The following VSIG10 variants were observed in gnomAD, a reference collection of about 807,000 sequenced individuals.
VSIG10 encodes V-set and immunoglobulin domain-containing protein 10.
In VSIG10, 48 loss-of-function variants were observed where a neutral mutation model predicts 58.7. The ratio of observed to expected loss-of-function variants is 0.82; its 90% CI spans 0.65 to 1.04. The LOEUF (loss-of-function observed/expected upper bound fraction) is 1.04, where lower values mean the gene tolerates loss of function less well. Ranked by LOEUF, VSIG10 falls within the 50% of genes least tolerant of loss-of-function variation. VSIG10 has a pLI of 0.00. For synonymous variants in VSIG10, 260 were observed against 267.1 expected (o/e 0.97, Z 0.26); for missense variants, 628 against 670.0 (o/e 0.94, Z 0.69).
chr12:118,067,484 G>C, intron 8 of VSIG10, among the ~76,000 whole-genome samples: 2 of 117,482 alleles, frequency 1.7e-5, no homozygotes, highest in South Asian at 2.8e-4. Context: ...TTTTTTTTGA[G>C]ACAGAGTCTC....
chr12:118,100,799 G>T (rs2033605516), intron 1 of VSIG10, among the ~76,000 whole-genome samples: 1 of 152,156 alleles, frequency 6.6e-6, no homozygotes, highest in Admixed American at 6.5e-5. Context: ...AAAGTGCTGG[G>T]ATTACAGGCG....
chr12:118,078,969 T>TA (rs2032839345), intron 4 of VSIG10, among the ~76,000 whole-genome samples: 1 of 42,710 alleles, frequency 2.3e-5, no homozygotes, highest in African/African-American at 8.7e-5. Context: ...AAAAAAAAAA[T>TA]TTTCTTTATA....
intron 6 of VSIG10, 91 bp from the exon 7 acceptor site, chr12:118,071,158 A>C (rs371922034): frequency 5.5e-6 from 8 of 1,450,862 alleles, no homozygotes; most frequent in African/African-American, 2.8e-5. Context: ...CTAGAGGAAC[A>C]AATAAGAAAA....
intron 6 of VSIG10, 71 bp downstream of exon 6, chr12:118,071,288 G>C: frequency 6.9e-7 from 1 of 1,457,938 alleles, no homozygotes; most frequent in South Asian, 1.2e-5. Flanking sequence ...GCAAGGCAGG[G>C]GCCATCCTTC....
In VSIG10 at chr12:118,103,730, C is replaced by T; in HGVS notation, c.-59G>A. 5 of 1,385,132 alleles carry T rather than the reference C, an allele frequency of 3.6e-6. No homozygotes were observed. In the South Asian group the frequency reaches 4.7e-5, roughly 13 times the overall value. 85.8% of individuals were successfully genotyped at this position (1,385,132 alleles called of 1,614,324 possible). On this transcript the variant is annotated 5_prime_UTR_variant, in exon 1 of 9. Coordinates refer to ENST00000359236, the MANE Select transcript of VSIG10 (RefSeq NM_019086.6). Reference sequence around the variant, plus strand: ...TCGGGCTGGGCTGGACGTGTGTGCCCCAGGGCCCCGGGGCCCGGGGTACCG... The same window carrying T: ...TCGGGCTGGGCTGGACGTGTGTGCCTCAGGGCCCCGGGGCCCGGGGTACCG...
intron 4 of VSIG10, among the ~76,000 whole-genome samples, chr12:118,077,004 T>C (rs1321615518): frequency 7.9e-5 from 12 of 152,178 alleles, no homozygotes; most frequent in Admixed American, 7.9e-4. Context: ...GATTACAGCC[T>C]ACTCTAATCC....
At chr12:118,089,471 G>C (rs977750275) in intron 2 of VSIG10, among the ~76,000 whole-genome samples, 5 of 152,160 alleles carry the variant, frequency 3.3e-5, no homozygotes, top group Admixed American at 3.3e-4. Context: ...TAAAAGATAA[G>C]GTTATTCATT....
intron 4 of VSIG10, among the ~76,000 whole-genome samples, chr12:118,078,465 G>A (rs2032813824): frequency 6.6e-6 from 1 of 151,984 alleles, no homozygotes; most frequent in Non-Finnish European, 1.5e-5. Context: ...AGCCACTGCT[G>A]GTTGTTAAAA....
chr12:118,090,057 G>C (rs1024296752), intron 2 of VSIG10, among the ~76,000 whole-genome samples: 1 of 152,230 alleles, frequency 6.6e-6, no homozygotes, highest in Non-Finnish European at 1.5e-5. Context: ...GCTCACGCCT[G>C]TAATCCCACA....
chr12:118,085,266 C>T (rs1224971619), intron 2 of VSIG10, among the ~76,000 whole-genome samples: 2 of 152,168 alleles, frequency 1.3e-5, no homozygotes. Context: ...TTCTGAGATT[C>T]CCTTTCTTGG....
At position 118,095,203 on chromosome 12, in the gene VSIG10, G is replaced by A. The variant is rs201029063; in HGVS notation, c.361+330C>T. 4.0e-5 allele frequency among the ~76,000 whole-genome samples: 6 copies of A among 151,482 alleles called. No individual in the cohort carries two copies. In the East Asian group the frequency reaches 7.8e-4, roughly 20 times the overall value. ...CAGGCGTAAGCCACCGCACCCGGCC[G>A]GCATTTTTTGTATTTTTAATAGAGA... On this transcript the variant is annotated intron_variant, in intron 2 of 8. Coordinates refer to ENST00000359236, the MANE Select transcript of VSIG10 (RefSeq NM_019086.6).
In VSIG10 at chr12:118,073,716, A is replaced by G; in HGVS notation, c.1202T>C (p.Ile401Thr). 1 of 1,610,750 alleles carries G rather than the reference A, an allele frequency of 6.2e-7. No individual in the cohort carries two copies. Among genetic ancestry groups the G allele is most frequent in the Non-Finnish European group, 8.5e-7 (1 of 1,178,028 alleles). ...CCACTCACCTTTCACACTCAGCCAG[A>G]TTTCCATCTCCCTCACCCCTACAGG... ...DSPVGVREME[I>T]WLSVKEPLNI... The change falls in exon 5 of 9, where the codon ATC becomes ACC. Residue 401 changes from isoleucine to threonine, a missense_variant. Coordinates refer to ENST00000359236, the MANE Select transcript of VSIG10 (RefSeq NM_019086.6).
intron 2 of VSIG10, among the ~76,000 whole-genome samples, chr12:118,089,875 C>T (rs908050972): frequency 1.3e-5 from 2 of 152,092 alleles, no homozygotes; most frequent in African/African-American, 2.4e-5. Context: ...GTCTGGTCAC[C>T]GACTCTGTAT....
At chr12:118,103,533 T>A in intron 1 of VSIG10, 60 bp downstream of exon 1, 2 of 1,453,720 alleles carry the variant, frequency 1.4e-6, no homozygotes, top group Non-Finnish European at 1.8e-6. Flanking sequence ...TCTCTCGCTG[T>A]CCCCTCCCCA....
chr12:118,078,953 A>AAAAAAAAAC (rs2032835888), intron 4 of VSIG10, among the ~76,000 whole-genome samples: 1 of 145,230 alleles, frequency 6.9e-6, no homozygotes, highest in African/African-American at 2.6e-5. Flanking sequence ...AAAAAAAAAA[A>AAAAAAAAAC]AAAAAAAAAA....
intron 7 of VSIG10, among the ~76,000 whole-genome samples, chr12:118,069,932 C>T (rs903540257): frequency 2.0e-5 from 3 of 152,110 alleles, no homozygotes; most frequent in African/African-American, 7.2e-5. Context: ...CCAATGGTCT[C>T]AGTGCCTTTT....
intron 4 of VSIG10, among the ~76,000 whole-genome samples, chr12:118,074,429 C>T (rs1323353859): frequency 6.6e-6 from 1 of 151,234 alleles, no homozygotes; most frequent in African/African-American, 2.4e-5. Flanking sequence ...TTTCAGTTAC[C>T]ATGGTTGACT....
intron 8 of VSIG10, 52 bp downstream of exon 8, chr12:118,068,325 G>C: frequency 6.3e-7 from 1 of 1,575,832 alleles, no homozygotes; most frequent in Non-Finnish European, 8.7e-7. Flanking sequence ...GTGAGCCAAC[G>C]CGCCTTTTTT....
At chr12:118,074,309 C>T (rs956865975) in intron 4 of VSIG10, among the ~76,000 whole-genome samples, 1 of 152,010 alleles carries the variant, frequency 6.6e-6, no homozygotes, top group Non-Finnish European at 1.5e-5. Flanking sequence ...GTCTCAAACT[C>T]CCAACCTCAG....
Sources: allele counts gnomAD v4.1 joint callset (sites outside exome capture counted in the v4.1 genomes callset), GRCh38; gene constraint gnomAD v4.1.1; transcripts MANE v1.5; gene names NCBI Gene and HGNC (gene_info 2026-07-23, HGNC 2026-07-21).